Variants in PAK4 observed in about 807,000 individuals in gnomAD.
PAK4 encodes serine/threonine-protein kinase PAK 4.
Under a neutral mutation model 53.5 loss-of-function variants are expected in PAK4, and 49 were observed. The ratio of observed to expected loss-of-function variants is 0.92; its 90% CI spans 0.73 to 1.16. PAK4 has a LOEUF of 1.16. PAK4 is among the 50% of genes most tolerant of loss of function. The probability of loss-of-function intolerance (pLI) is 0.00; values close to 1 mark genes in which losing one functional copy is unlikely to be tolerated. For synonymous variants in PAK4, 376 were observed against 375.6 expected (o/e 1.00, Z -0.01); for missense variants, 824 against 850.7 (o/e 0.97, Z 0.39).
chr19:39,173,804 C>G lies in PAK4; in HGVS notation c.892C>G (p.Arg298Gly), dbSNP rs1384433742. Residue 298 changes from arginine (R) to glycine (G), a missense_variant, in exon 4 of 9, where the codon CGA (arginine) becomes GGA (glycine). By Grantham distance (125) the Arg-to-Gly change is moderately radical. Around this residue, in one of 2 missense-constraint regions of PAK4, gnomAD observed 346 missense variants for 415.0 expected, o/e 0.83. Coordinates refer to ENST00000358301, the Ensembl canonical transcript of PAK4. The surrounding 1 kb of genome is among the most constrained non-coding windows in gnomAD (Gnocchi z 6.9). ...CCGCTCACCACAGCGGGAGCCACAG[C>G]GAGTATCCCATGAGCAGTTCCGGGC... The G allele has an allele frequency of 2.5e-6, 4 of 1,610,642 alleles. No homozygotes were observed. The Admixed American group carries it at 6.7e-5, about 27-fold the overall frequency.
chr19:39,135,271 TC>T (rs1736794444), intron 1 of PAK4: 1 of 150,062 alleles, frequency 6.7e-6, no homozygotes, highest in African/African-American at 2.4e-5. Context: ...CTCCCCTTGC[TC>T]CTGTCCATTC....
At chr19:39,179,901 C>T (rs2074683207), downstream of PAK4, 1 of 152,308 alleles carries the variant, frequency 6.6e-6, no homozygotes, top group Non-Finnish European at 1.5e-5. Context: ...GGGAATCTGA[C>T]TGGCATGGAG....
chr19:39,132,849 A>G (rs1035519624), intron 1 of PAK4, among the ~76,000 whole-genome samples: 4 of 152,248 alleles, frequency 2.6e-5, no homozygotes, highest in Non-Finnish European at 5.9e-5. Flanking sequence ...CACCTTTGCC[A>G]GTCAGATAGG....
At position 39,147,057 on chromosome 19, in the gene PAK4, C is replaced by T. The variant is rs1411437843; in HGVS notation, c.-23+21138C>T. ...GAGTGTCAACTGACATTGACACTGT[C>T]ATTGTCAATTGACAATTGTCATTGT... On this transcript the variant is annotated intron_variant, in intron 1 of 8. Transcript: ENST00000358301. Among the ~76,000 whole-genome samples, 58 of 24,504 alleles carry T rather than the reference C, an allele frequency of 2.4e-3. 1 individual carries two copies. In the Middle Eastern group the frequency reaches 0.17, roughly 70 times the overall value. 16.1% of individuals were successfully genotyped at this position (24,504 alleles called of 152,430 possible).
rs1477922840 is a variant in PAK4 at position 39,161,282 on chromosome 19, A to G, written c.-22-8250A>G. 6.6e-6 allele frequency among the ~76,000 whole-genome samples: 1 copy of G among 152,218 alleles called. No individual in the cohort carries two copies. The highest frequency in any genetic ancestry group is 1.5e-5 in the Non-Finnish European group (1 of 68,028). ...CGAGGAAGATGGCCACAGACAGGCA[A>G]ACAACTGTAATGTGTGAGGCAACGC... On this transcript the variant is annotated intron_variant, in intron 1 of 8. Coordinates refer to ENST00000358301, the Ensembl canonical transcript of PAK4. The surrounding 1 kb of genome is among the most constrained non-coding windows in gnomAD (Gnocchi z 4.5).
intron 8 of PAK4, 75 bp downstream of exon 9, chr19:39,177,884 G>A: frequency 1.3e-6 from 2 of 1,508,036 alleles, no homozygotes; most frequent in Non-Finnish European, 1.8e-6. Context: ...ATGGGGTGTG[G>A]ATGGGATGGG....
At chr19:39,135,846 T>G (rs919560785) in intron 1 of PAK4, among the ~76,000 whole-genome samples, 3 of 145,608 alleles carry the variant, frequency 2.1e-5, no homozygotes, top group Non-Finnish European at 4.5e-5. Context: ...CTCGTCTTGT[T>G]TCGGGATTAG....
At chr19:39,142,554 C>G (rs2073927794) in intron 1 of PAK4, among the ~76,000 whole-genome samples, 2 of 152,178 alleles carry the variant, frequency 1.3e-5, no homozygotes, top group Admixed American at 1.3e-4. Flanking sequence ...CTCGGGTCCC[C>G]CCTTCCCCAC....
chr19:39,132,718 A>G (rs996247098), intron 1 of PAK4, among the ~76,000 whole-genome samples: 20 of 152,198 alleles, frequency 1.3e-4, no homozygotes, highest in African/African-American at 4.1e-4. Context: ...CTTTGCCGGT[A>G]GTGTTAGTGT....
intron 1 of PAK4, 109 bp from the exon 3 acceptor site, chr19:39,169,423 G>C (rs2074433792): frequency 1.3e-6 from 1 of 786,866 alleles, no homozygotes; most frequent in Non-Finnish European, 2.1e-6. Flanking sequence ...GGAGGCTACT[G>C]CCTCCTGTTG....
intron 1 of PAK4, among the ~76,000 whole-genome samples, chr19:39,143,623 A>AAAAAAAAAAAT (rs869300876): frequency 1.7e-5 from 2 of 120,816 alleles, no homozygotes; most frequent in Non-Finnish European, 3.6e-5. Flanking sequence ...AAAAAAAAAA[A>AAAAAAAAAAAT]GAATTGTTGA....
chr19:39,160,691 T>C (rs1204407347), intron 1 of PAK4, among the ~76,000 whole-genome samples: 1 of 152,036 alleles, frequency 6.6e-6, no homozygotes, highest in African/African-American at 2.4e-5. Context: ...GTTTGCGAGG[T>C]TGGCAGGGCC....
chr19:39,129,565 A>G (rs2073661125), intron 1 of PAK4, among the ~76,000 whole-genome samples: 1 of 152,094 alleles, frequency 6.6e-6, no homozygotes, highest in South Asian at 2.1e-4. Flanking sequence ...TGCTTTGGGC[A>G]GCTTTGTGGC....
rs2074656591 is a variant in PAK4 at position 39,178,518 on chromosome 19, T to C, written c.1715T>C (p.Leu572Pro). The change falls in exon 9 of 9, where the codon CTG becomes CCG. Residue 572 changes from leucine (L) to proline (P), a missense_variant. Physicochemically the swap from Leu to Pro is moderately conservative, Grantham distance 98 (BLOSUM62 -3). This residue lies in a region of PAK4 where 346 missense variants were observed against 415.0 expected (regional missense o/e 0.83). Transcript: ENST00000358301. This position sits in a 1 kb window ranked among gnomAD's most constrained non-coding sequence, Gnocchi z 4.4. ...GCCGAGCTGCTGAAGCACCCATTCC[T>C]GGCCAAGGCAGGGCCGCCTGCCAGC... is the stretch of plus-strand genomic sequence containing the variant. 1 of 1,611,974 alleles carries C rather than the reference T, an allele frequency of 6.2e-7. No individual in the cohort carries two copies. Among genetic ancestry groups the C allele is most frequent in the Non-Finnish European group, 8.5e-7 (1 of 1,179,514 alleles).
At chr19:39,174,855 AG>A (rs1169351421) in intron 4 of PAK4, 75 bp from the exon 6 acceptor site, 18 of 1,565,614 alleles carry the variant, frequency 1.1e-5, no homozygotes, top group Middle Eastern at 1.7e-4. Context: ...AGGGGGAGCC[AG>A]GGGGGTGGCG....
rs2074661450 is a variant in PAK4, at chr19:39,178,696, C to T, written c.*117C>T. 2.2e-6 allele frequency: 2 copies of T among 900,706 alleles called. No individual in the cohort carries two copies. The highest frequency in any genetic ancestry group is 1.8e-5 in the South Asian group (1 of 56,800). The allele number at this position is 900,706 out of a possible 1,614,324, so 55.8% of individuals were successfully genotyped here. A position where few individuals can be genotyped will look rare whatever the true frequency, so the allele number is the denominator to read the frequency against. ...GCCCGGGAGATGCTCCGCGTGGCAC[C>T]ACCCTCCTTGCTGGGGGTAGATGAG... On this transcript the variant is annotated 3_prime_UTR_variant, in exon 9 of 9. Coordinates refer to ENST00000358301, the Ensembl canonical transcript of PAK4. This position sits in a 1 kb window ranked among gnomAD's most constrained non-coding sequence, Gnocchi z 4.4.
At chr19:39,156,509 C>T (rs1003347340) in intron 1 of PAK4, among the ~76,000 whole-genome samples, 3 of 152,150 alleles carry the variant, frequency 2.0e-5, no homozygotes, top group Non-Finnish European at 4.4e-5. Context: ...GCTGACCCTG[C>T]TGAAGCAAAG....
chr19:39,176,540 C>T (rs754765233), intron 6 of PAK4, 50 bp from the exon 8 acceptor site: 4 of 1,612,110 alleles, frequency 2.5e-6, no homozygotes, highest in Non-Finnish European at 2.5e-6. Context: ...CCCTGCTCGC[C>T]CTCCTGCTGT....
chr19:39,166,782 C>T (rs1002436021), intron 1 of PAK4, among the ~76,000 whole-genome samples: 5 of 152,202 alleles, frequency 3.3e-5, no homozygotes, highest in Non-Finnish European at 7.4e-5. Flanking sequence ...CCTCTGTGGC[C>T]CCCATGAGGT....
Sources: allele counts gnomAD v4.1 joint callset (sites outside exome capture counted in the v4.1 genomes callset), GRCh38; gene constraint gnomAD v4.1.1; regional missense constraint gnomAD v4.1.1; non-coding constraint Gnocchi (gnomAD v3.1); transcripts MANE v1.5; gene names NCBI Gene and HGNC (gene_info 2026-07-23, HGNC 2026-07-21).